The following BLVRA variants were observed in gnomAD, a reference collection of about 807,000 sequenced individuals.
BLVRA encodes biliverdin reductase A.
In BLVRA, 22 loss-of-function variants were observed where a neutral mutation model predicts 32.8. That is an observed-to-expected ratio of 0.67 (90% CI 0.48 to 0.96). BLVRA has a LOEUF of 0.96. Ranked by LOEUF, BLVRA falls within the 40% of genes least tolerant of loss-of-function variation. The probability of loss-of-function intolerance (pLI) is 0.00; values close to 1 mark genes in which losing one functional copy is unlikely to be tolerated. For missense variants in BLVRA, 323 were observed against 358.1 expected, an observed-to-expected ratio of 0.90 and a Z score of 0.79; for synonymous variants, 119 against 141.3, an observed-to-expected ratio of 0.84 and a Z score of 1.12.
chr7:43,762,553 A>G (rs2095743470), intron 1 of BLVRA, among the ~76,000 whole-genome samples: 1 of 143,456 alleles, frequency 7.0e-6, no homozygotes, highest in Admixed American at 7.1e-5. Context: ...GGAATGTGAA[A>G]CTCTAGAGCT....
intron 1 of BLVRA, among the ~76,000 whole-genome samples, chr7:43,762,479 C>T (rs1459056095): frequency 6.6e-6 from 1 of 151,464 alleles, no homozygotes. Context: ...GCCAAGGAAG[C>T]TGTTTAGTCC....
At chr7:43,781,180 C>CT (rs936731056) in intron 2 of BLVRA, among the ~76,000 whole-genome samples, 46 of 150,864 alleles carry the variant, frequency 3.0e-4, no homozygotes, top group African/African-American at 6.5e-4. Flanking sequence ...AAAACTGCCT[C>CT]TTTTTTTTTG....
chr7:43,789,436 C>A (rs550887418), intron 3 of BLVRA, among the ~76,000 whole-genome samples: 3 of 152,274 alleles, frequency 2.0e-5, no homozygotes, highest in African/African-American at 4.8e-5. Context: ...CTTGGGCCAG[C>A]CTTCTCCTCC....
At chr7:43,771,313 G>A (rs1163674677) in intron 2 of BLVRA, 143 bp downstream of exon 2, 2 of 989,434 alleles carry the variant, frequency 2.0e-6, no homozygotes, top group Non-Finnish European at 3.2e-6. Context: ...AGTGCACGTG[G>A]TTCTGGGTGA....
intron 2 of BLVRA, among the ~76,000 whole-genome samples, chr7:43,774,508 T>C (rs1171368859): frequency 6.6e-6 from 1 of 152,230 alleles, no homozygotes; most frequent in Non-Finnish European, 1.5e-5. Flanking sequence ...ATCTCTGTTT[T>C]GGTACCAGTA....
chr7:43,782,799 GA>G (rs1419730849), intron 2 of BLVRA, among the ~76,000 whole-genome samples: 3 of 152,204 alleles, frequency 2.0e-5, no homozygotes, highest in African/African-American at 7.2e-5. Context: ...GAGTGAGTTT[GA>G]AGAAGGTCCA....
At chr7:43,800,003 TG>T (rs1325512445) in intron 5 of BLVRA, among the ~76,000 whole-genome samples, 2 of 152,326 alleles carry the variant, frequency 1.3e-5, no homozygotes, top group Non-Finnish European at 1.5e-5. Context: ...TCGCCCAGGC[TG>T]GAGTGCAGTG....
upstream of BLVRA, among the ~76,000 whole-genome samples, chr7:43,758,494 C>A (rs538505828): frequency 1.4e-5 from 2 of 146,450 alleles, no homozygotes; most frequent in South Asian, 4.3e-4. Flanking sequence ...GTTCTTACGG[C>A]CCCAGGCGCC....
chr7:43,794,854 G>A (rs150015753), intron 5 of BLVRA, among the ~76,000 whole-genome samples: 3 of 152,304 alleles, frequency 2.0e-5, no homozygotes, highest in African/African-American at 4.8e-5. Flanking sequence ...AGCAAAATGG[G>A]GGGTCAGAGA....
At chr7:43,768,984 T>TG (rs1343302285) in intron 1 of BLVRA, among the ~76,000 whole-genome samples, 1 of 151,498 alleles carries the variant, frequency 6.6e-6, no homozygotes, top group Non-Finnish European at 1.5e-5. Flanking sequence ...CAAAATAGTT[T>TG]GGGGAAAAAA....
upstream of BLVRA, among the ~76,000 whole-genome samples, chr7:43,758,447 C>T (rs1348484852): frequency 7.4e-6 from 1 of 134,584 alleles, no homozygotes; most frequent in Non-Finnish European, 1.7e-5. Flanking sequence ...CCCTCGCCAC[C>T]AAGCTGGGTG....
intron 2 of BLVRA, among the ~76,000 whole-genome samples, chr7:43,781,309 T>G: frequency 6.6e-6 from 1 of 152,152 alleles, no homozygotes; most frequent in Non-Finnish European, 1.5e-5. Context: ...AACCTCCCCT[T>G]GCTACTGACC....
intron 7 of BLVRA, 131 bp from the exon 8 acceptor site, chr7:43,806,846 G>T: frequency 1.0e-6 from 1 of 979,664 alleles, no homozygotes. Context: ...CACAGCCTCT[G>T]GGAGGCTGGT....
At chr7:43,797,548 GGT>G (rs2095794172) in intron 5 of BLVRA, among the ~76,000 whole-genome samples, 1 of 152,194 alleles carries the variant, frequency 6.6e-6, no homozygotes, top group Non-Finnish European at 1.5e-5. Context: ...ACTTTATTGT[GGT>G]GGTCTGGAAT....
intron 3 of BLVRA, among the ~76,000 whole-genome samples, chr7:43,788,839 A>G (rs1285312630): frequency 1.4e-5 from 2 of 146,792 alleles, no homozygotes; most frequent in South Asian, 2.1e-4. Context: ...GGGTCTCCCT[A>G]TGTTGCCTAG....
chr7:43,771,212 A>G, intron 2 of BLVRA, 42 bp downstream of exon 2: 1 of 1,604,880 alleles, frequency 6.2e-7, no homozygotes, highest in Non-Finnish European at 8.5e-7. Context: ...TGCTTTTCTT[A>G]TTGTGTCCCT....
intron 2 of BLVRA, among the ~76,000 whole-genome samples, chr7:43,785,508 C>T (rs2095776302): frequency 6.6e-6 from 1 of 152,142 alleles, no homozygotes; most frequent in African/African-American, 2.4e-5. Flanking sequence ...GTGAAGTCCA[C>T]TCCCAGGACT....
chr7:43,804,508 T>C (rs1246940544), intron 7 of BLVRA, among the ~76,000 whole-genome samples: 1 of 152,204 alleles, frequency 6.6e-6, no homozygotes, highest in African/African-American at 2.4e-5. Flanking sequence ...TGTTTTCTTA[T>C]GAAAGTTTTC....
chr7:43,795,635 T>C (rs777870796), intron 5 of BLVRA, among the ~76,000 whole-genome samples: 5 of 152,094 alleles, frequency 3.3e-5, no homozygotes, highest in Non-Finnish European at 5.9e-5. Flanking sequence ...ATCCTAACTT[T>C]ACATTTCAAG....
Sources: allele counts gnomAD v4.1 joint callset (sites outside exome capture counted in the v4.1 genomes callset), GRCh38; gene constraint gnomAD v4.1.1; transcripts MANE v1.5; gene names NCBI Gene and HGNC (gene_info 2026-07-23, HGNC 2026-07-21).